Variants in CYP7B1 observed in about 807,000 individuals in gnomAD.
The protein encoded by CYP7B1 is cytochrome P450 family 7 subfamily B member 1.
CYP7B1 carries 29 observed loss-of-function variants against 42.7 expected under a neutral mutation model. That is an observed-to-expected ratio of 0.68 (90% CI 0.51 to 0.93). The LOEUF (loss-of-function observed/expected upper bound fraction) is 0.93, where lower values mean the gene tolerates loss of function less well. Among genes scored for constraint, CYP7B1 ranks in the 40% least tolerant of loss-of-function variants. The pLI is 0.00. For synonymous variants in CYP7B1, 235 were observed against 218.2 expected (o/e 1.08, Z -0.68); for missense variants, 655 against 600.5 (o/e 1.09, Z -0.95).
At chr8:64,711,999 A>G (rs1486725547) in intron 1 of CYP7B1, among the ~76,000 whole-genome samples, 1 of 152,200 alleles carries the variant, frequency 6.6e-6, no homozygotes, top group African/African-American at 2.4e-5. Context: ...CACCTCACAC[A>G]GTTCTTTCAA....
At chr8:64,727,718 T>G (rs72656475) in intron 1 of CYP7B1, among the ~76,000 whole-genome samples, 1 of 152,028 alleles carries the variant, frequency 6.6e-6, no homozygotes, top group Non-Finnish European at 1.5e-5. Context: ...CAATCTAAAG[T>G]TTTTTTAGAC....
intron 4 of CYP7B1, among the ~76,000 whole-genome samples, chr8:64,610,667 AT>A (rs1805350857): frequency 6.6e-6 from 1 of 152,154 alleles, no homozygotes; most frequent in Non-Finnish European, 1.5e-5. Context: ...TATTAAAAAA[AT>A]ACCCACAAGA....
intron 1 of CYP7B1, among the ~76,000 whole-genome samples, chr8:64,658,723 G>T (rs1452164880): frequency 6.6e-6 from 1 of 152,094 alleles, no homozygotes; most frequent in Non-Finnish European, 1.5e-5. Flanking sequence ...AAGCTCCTCT[G>T]GCTGCACATC....
Position 64,780,169 on chromosome 8 carries a change from G to A in CYP7B1, c.122+18297C>T, listed in dbSNP as rs551028752. On this transcript the variant is annotated intron_variant, in intron 1 of 5. Coordinates refer to ENST00000310193, the MANE Select transcript of CYP7B1 (RefSeq NM_004820.5). ...AGAAAATGTGGTTTTATGACATTAG[G>A]TTTCAATTTGTATGCAGTTTGTATT... Among the ~76,000 whole-genome samples the A allele has an allele frequency of 1.1e-4, 16 of 152,146 alleles. No individual in the cohort carries two copies. The South Asian group carries it at 3.1e-3, about 30-fold the overall frequency.
At chr8:64,625,497 T>C (rs1287841090) in intron 1 of CYP7B1, among the ~76,000 whole-genome samples, 1 of 152,238 alleles carries the variant, frequency 6.6e-6, no homozygotes, top group Admixed American at 6.5e-5. Context: ...AGTTATAATA[T>C]CGATAAAAAA....
intron 1 of CYP7B1, among the ~76,000 whole-genome samples, chr8:64,730,355 C>G (rs1181797373): frequency 6.6e-6 from 1 of 152,124 alleles, no homozygotes; most frequent in South Asian, 2.1e-4. Context: ...CAGGCATGAG[C>G]CACTGTGCCC....
chr8:64,599,193 T>C (rs560476251), intron 5 of CYP7B1, among the ~76,000 whole-genome samples: 4 of 152,252 alleles, frequency 2.6e-5, no homozygotes, highest in African/African-American at 9.6e-5. Flanking sequence ...TCTTTTTCTT[T>C]TCTTTTTTTT....
chr8:64,684,625 A>G (rs557999270), intron 1 of CYP7B1, among the ~76,000 whole-genome samples: 1 of 152,364 alleles, frequency 6.6e-6, no homozygotes, highest in South Asian at 2.1e-4. Flanking sequence ...CCCAGTTCAA[A>G]GATGATGTCA....
chr8:64,794,815 A>T (rs1268254862), intron 1 of CYP7B1, among the ~76,000 whole-genome samples: 1 of 152,208 alleles, frequency 6.6e-6, no homozygotes, highest in Non-Finnish European at 1.5e-5. Context: ...CAAAGAGTAA[A>T]ACTAAGCTTC....
chr8:64,710,103 A>G (rs1179595532), intron 1 of CYP7B1, among the ~76,000 whole-genome samples: 2 of 152,122 alleles, frequency 1.3e-5, no homozygotes, highest in Admixed American at 6.6e-5. Context: ...CGCTGATTCC[A>G]TTAGTCTCAG....
rs1391407842 is a variant in CYP7B1 at position 64,594,064 on chromosome 8, A to G, written c.*2578T>C. The stretch of plus-strand genomic sequence containing the variant: ...GAGGATGGGACATAACAAATTTAGA[A>G]CATCTTAGGAAGAATTAAAGTTATC... On this transcript the variant is annotated 3_prime_UTR_variant, in exon 6 of 6. Transcript: ENST00000310193. Among the ~76,000 whole-genome samples the G allele has an allele frequency of 6.6e-6, 1 of 151,852 alleles. No individual in the cohort carries two copies. The highest frequency in any genetic ancestry group is 1.5e-5 in the Non-Finnish European group (1 of 67,950).
intron 5 of CYP7B1, among the ~76,000 whole-genome samples, chr8:64,597,389 T>C (rs1805135159): frequency 6.6e-6 from 1 of 152,178 alleles, no homozygotes; most frequent in African/African-American, 2.4e-5. Flanking sequence ...TCTTATCCCT[T>C]CCCCACCAGC....
chr8:64,653,550 CA>C (rs1361266612), intron 1 of CYP7B1, among the ~76,000 whole-genome samples: 1 of 152,178 alleles, frequency 6.6e-6, no homozygotes, highest in African/African-American at 2.4e-5. Flanking sequence ...GATGGATTCA[CA>C]GCCAAATTCT....
chr8:64,718,945 C>A (rs1490004768), intron 1 of CYP7B1, among the ~76,000 whole-genome samples: 1 of 152,182 alleles, frequency 6.6e-6, no homozygotes, highest in Admixed American at 6.5e-5. Context: ...ACAATCACGA[C>A]TGAAATCATG....
rs554812102 is a variant in CYP7B1 at position 64,773,038 on chromosome 8, A to G, written c.122+25428T>C. Among the ~76,000 whole-genome samples, 5 of 152,176 alleles carry G rather than the reference A, an allele frequency of 3.3e-5. No homozygotes were observed. In the South Asian group the frequency reaches 8.3e-4, roughly 25 times the overall value. On this transcript the variant is annotated intron_variant, in intron 1 of 5. Transcript: ENST00000310193. The stretch of plus-strand genomic sequence containing the variant: ...AAGTTACCACCAGTGCCACTTCCAG[A>G]ACTCCAGATCCCTCTTACCCTGCTA...
At chr8:64,642,262 A>ATT (rs755950958) in intron 1 of CYP7B1, among the ~76,000 whole-genome samples, 1 of 146,600 alleles carries the variant, frequency 6.8e-6, no homozygotes, top group African/African-American at 2.5e-5. Flanking sequence ...TCTATTTTAA[A>ATT]TTTTTTTTTT....
rs1300655391 is a variant in CYP7B1 at position 64,615,978 on chromosome 8, A to C, written c.563T>G (p.Ile188Arg). Residue 188 changes from isoleucine (I) to arginine (R), a missense_variant, in exon 3 of 6, where the codon ATA becomes AGA. Physicochemically the swap from Ile to Arg is moderately conservative, Grantham distance 97. Coordinates refer to ENST00000310193, the MANE Select transcript of CYP7B1 (RefSeq NM_004820.5). ...TATAGTTGTAAATGTGATCTCAAAT[A>C]TTATTGAGCTGCAGAATGGATACAG... ...AELYPFCSSIIFEITFTTIYG... is the reference protein window; with the variant it reads ...AELYPFCSSIRFEITFTTIYG... 6.2e-7 allele frequency: 1 copy of C among 1,613,766 alleles called. No individual in the cohort carries two copies. Among genetic ancestry groups the C allele is most frequent in the Admixed American group, 1.7e-5 (1 of 59,926 alleles).
chr8:64,622,605 G>T (rs1275920967), intron 2 of CYP7B1, among the ~76,000 whole-genome samples: 1 of 152,184 alleles, frequency 6.6e-6, no homozygotes, highest in East Asian at 1.9e-4. Context: ...TCTCTTGAAA[G>T]AGCTGAATGC....
intron 1 of CYP7B1, among the ~76,000 whole-genome samples, chr8:64,791,017 C>T (rs1195350991): frequency 1.3e-5 from 2 of 152,160 alleles, no homozygotes; most frequent in Non-Finnish European, 2.9e-5. Context: ...GGTTAAGCTT[C>T]CACAAGCCAT....
Sources: allele counts gnomAD v4.1 joint callset (sites outside exome capture counted in the v4.1 genomes callset), GRCh38; gene constraint gnomAD v4.1.1; transcripts MANE v1.5; gene names NCBI Gene and HGNC (gene_info 2026-07-23, HGNC 2026-07-21).